NCOR1: variants seen among roughly 807,000 people sequenced by gnomAD.
NCOR1 encodes the protein protein phosphatase 1, regulatory subunit 109.
Under a neutral mutation model 288.1 loss-of-function variants are expected in NCOR1, and 63 were observed. The ratio of observed to expected loss-of-function variants is 0.22; its 90% CI spans 0.18 to 0.27. The LOEUF (loss-of-function observed/expected upper bound fraction) is 0.27, where lower values mean the gene tolerates loss of function less well. Among genes scored for constraint, NCOR1 ranks in the 10% least tolerant of loss-of-function variants. NCOR1 has a pLI of 1.00. For synonymous variants in NCOR1, 1,007 were observed against 1,065.9 expected (o/e 0.94, Z 1.08); for missense variants, 2,397 against 3,019.2 (o/e 0.79, Z 4.83).
At chr17:16,156,798 T>A (rs1417000587) in intron 6 of NCOR1, among the ~76,000 whole-genome samples, 1 of 152,088 alleles carries the variant, frequency 6.6e-6, no homozygotes, top group East Asian at 1.9e-4. Context: ...TATATAAAAA[T>A]TAAACACCAA....
At chr17:16,102,122 A>T (rs1411713108) in intron 19 of NCOR1, among the ~76,000 whole-genome samples, 1 of 152,228 alleles carries the variant, frequency 6.6e-6, no homozygotes, top group Non-Finnish European at 1.5e-5. Context: ...GTATTTCTAG[A>T]AGCCTCTTCC....
chr17:16,051,557 T>C (rs1211649400), intron 40 of NCOR1, among the ~76,000 whole-genome samples: 2 of 152,132 alleles, frequency 1.3e-5, no homozygotes, highest in African/African-American at 4.8e-5. Flanking sequence ...AGATCTCAAG[T>C]TAACAAGCTA....
intron 19 of NCOR1, among the ~76,000 whole-genome samples, chr17:16,106,884 T>C (rs2068842871): frequency 3.1e-5 from 1 of 32,706 alleles, no homozygotes; most frequent in Non-Finnish European, 5.2e-5. Context: ...TATATATATA[T>C]TTTTTTTTTT....
intron 18 of NCOR1, among the ~76,000 whole-genome samples, chr17:16,111,062 T>C (rs1223576607): frequency 6.6e-6 from 1 of 152,176 alleles, no homozygotes; most frequent in Non-Finnish European, 1.5e-5. Flanking sequence ...TGACCTACCA[T>C]GCCCAGCAGA....
chr17:16,177,760 T>C (rs1217051338), intron 3 of NCOR1, among the ~76,000 whole-genome samples: 1 of 152,162 alleles, frequency 6.6e-6, no homozygotes, highest in Non-Finnish European at 1.5e-5. Context: ...TTTCTGCAGC[T>C]GTTGAGAAAC....
chr17:16,125,701 CAA>C (rs71353771), intron 15 of NCOR1, among the ~76,000 whole-genome samples: 55 of 82,282 alleles, frequency 6.7e-4, no homozygotes, highest in Non-Finnish European at 7.1e-4. Flanking sequence ...GACGCCATCA[CAA>C]AAAAAAAAAA....
intron 18 of NCOR1, among the ~76,000 whole-genome samples, chr17:16,110,059 A>C (rs774375719): frequency 6.6e-6 from 1 of 152,300 alleles, no homozygotes; most frequent in Middle Eastern, 3.4e-3. Flanking sequence ...TTTACTATAA[A>C]AAAGCACAAA....
At chr17:16,065,085 T>A (rs2060970333) in intron 33 of NCOR1, 66 bp from the exon 34 acceptor site, 2 of 1,467,154 alleles carry the variant, frequency 1.4e-6, no homozygotes, top group Admixed American at 2.1e-5. Context: ...TACATGACTT[T>A]GGATTTTGTC....
intron 14 of NCOR1, among the ~76,000 whole-genome samples, chr17:16,136,880 C>A (rs1209730463): frequency 7.0e-6 from 1 of 142,782 alleles, no homozygotes; most frequent in Non-Finnish European, 1.5e-5. Context: ...TAATATGAAA[C>A]AAAATCAGGT....
intron 2 of NCOR1, chr17:16,192,149 C>T (rs1323886579): frequency 6.8e-6 from 1 of 146,460 alleles, no homozygotes; most frequent in Non-Finnish European, 1.5e-5. Flanking sequence ...GCACCATCTT[C>T]GTTTAAAAAA....
intron 11 of NCOR1, among the ~76,000 whole-genome samples, chr17:16,142,070 A>C (rs1313219797): frequency 1.3e-5 from 2 of 152,158 alleles, no homozygotes; most frequent in Non-Finnish European, 2.9e-5. Context: ...CCTCCTCAAA[A>C]ACCAAAGATG....
At chr17:16,089,468 G>T (rs1409962917) in intron 22 of NCOR1, among the ~76,000 whole-genome samples, 1 of 151,970 alleles carries the variant, frequency 6.6e-6, no homozygotes, top group Non-Finnish European at 1.5e-5. Context: ...CTTTTCTACA[G>T]ATGGGAAAAG....
intron 40 of NCOR1, among the ~76,000 whole-genome samples, chr17:16,056,195 G>A (rs2059895754): frequency 1.3e-5 from 2 of 151,804 alleles, no homozygotes; most frequent in African/African-American, 4.8e-5. Context: ...TCTTTTTCAG[G>A]CTCTGAGCCA....
At chr17:16,081,382 T>TAAA (rs67148328) in intron 23 of NCOR1, among the ~76,000 whole-genome samples, 1 of 139,520 alleles carries the variant, frequency 7.2e-6, no homozygotes, top group Admixed American at 7.1e-5. Flanking sequence ...AATATTTATT[T>TAAA]AAAAAAAAAA....
At chr17:16,095,403 G>A (rs1160171136) in intron 21 of NCOR1, among the ~76,000 whole-genome samples, 1 of 149,266 alleles carries the variant, frequency 6.7e-6, no homozygotes, top group African/African-American at 2.5e-5. Flanking sequence ...TGGGGGGTCA[G>A]CCCCCGCCAG....
Position 16,091,850 on chromosome 17 carries a change from T to G in NCOR1, c.3016+13A>C, listed in dbSNP as rs746078078. Reference sequence around the variant, plus strand: ...TCATAAAAGTTCTCTTGGTGATAGCTCTATCTACCTACCTTCCCACTCTCT... The same window carrying G: ...TCATAAAAGTTCTCTTGGTGATAGCGCTATCTACCTACCTTCCCACTCTCT... On this transcript the variant is annotated intron_variant, in intron 22 of 45. Transcript: ENST00000268712. 1.2e-6 allele frequency: 2 copies of G among 1,613,930 alleles called. No individual in the cohort carries two copies. Among genetic ancestry groups the G allele is most frequent in the Non-Finnish European group, 1.7e-6 (2 of 1,180,018 alleles).
At chr17:16,137,545 G>A in intron 13 of NCOR1, 133 bp from the exon 14 acceptor site, 1 of 501,064 alleles carries the variant, frequency 2.0e-6, no homozygotes, top group Non-Finnish European at 3.4e-6. Context: ...TACATTGCTA[G>A]CATTTTAAGG....
In NCOR1 at chr17:16,126,131, CTTT is replaced by C. The variant is rs759535259; in HGVS notation, c.1582_1584del (p.Lys528del). 1.7e-4 allele frequency: 265 copies of C among 1,532,562 alleles called. No homozygotes were observed. Among genetic ancestry groups the C allele is most frequent in the Non-Finnish European group, 2.3e-4 (259 of 1,128,036 alleles). 94.9% of individuals were successfully genotyped at this position (1,532,562 alleles called of 1,614,324 possible). ...TCCTCTTCATCTTTCTTTTCTTCTT[CTTT>C]TTTTTCTGTTTTTTCTGCTTTATCC... On this transcript the variant is annotated inframe_deletion, in exon 15 of 46. Transcript: ENST00000268712.
chr17:16,151,026 T>G (rs912490922), intron 8 of NCOR1, among the ~76,000 whole-genome samples: 27 of 151,266 alleles, frequency 1.8e-4, no homozygotes, highest in Non-Finnish European at 1.9e-4. Flanking sequence ...GTTAAGAAAT[T>G]TTTAAAAAGA....
Sources: gnomAD v4.1 joint callset for allele counts (sites outside exome capture counted in the v4.1 genomes callset) on GRCh38, gnomAD v4.1.1 for gene constraint, MANE v1.5 for transcripts, NCBI Gene and HGNC (gene_info 2026-07-23, HGNC 2026-07-21) for gene names.